Variants in CASP5 observed in about 807,000 individuals in gnomAD.
The protein encoded by CASP5 is caspase 5, also known as caspase-5.
A neutral mutation model predicts 45.2 loss-of-function variants in CASP5; 42 were observed. That is an observed-to-expected ratio of 0.93 (90% CI 0.73 to 1.20). The LOEUF (loss-of-function observed/expected upper bound fraction) is 1.20. CASP5 is among the 50% of genes most tolerant of loss of function. The pLI is 0.00. For missense variants in CASP5, 512 were observed against 532.2 expected (o/e 0.96, Z 0.37); for synonymous variants, 209 against 186.2 (o/e 1.12, Z -1.00).
rs66897384 is a variant in CASP5 at position 105,003,040 on chromosome 11, T to TAA, written c.543+232_543+233dup. Among the ~76,000 whole-genome samples, 758 of 149,878 alleles carry TAA rather than the reference T, an allele frequency of 5.1e-3. 3 individuals carry two copies. The highest frequency in any genetic ancestry group is 0.012 in the African/African-American group (482 of 40,916). On this transcript the variant is annotated intron_variant, in intron 4 of 9. Transcript: ENST00000260315. The stretch of plus-strand genomic sequence containing the variant: ...AGGGAGACTATATCTCTACAAAAAT[T>TAA]AAAAAAAAAATCAGCCTGGCAAGGT...
intron 6 of CASP5, 65 bp from the exon 7 acceptor site, chr11:104,999,093 C>A (rs1277253803): frequency 7.0e-7 from 1 of 1,428,870 alleles, no homozygotes. Context: ...AAATGCAGAA[C>A]GTGTAGGTTT....
At chr11:105,021,154 T>G (rs10895758) in intron 1 of CASP5, among the ~76,000 whole-genome samples, 30 of 151,030 alleles carry the variant, frequency 2.0e-4, no homozygotes. Context: ...ATACAAAAAT[T>G]AATTCAAGAT....
chr11:105,009,832 T>C (rs1239672036), intron 1 of CASP5, among the ~76,000 whole-genome samples: 1 of 139,330 alleles, frequency 7.2e-6, no homozygotes, highest in Non-Finnish European at 1.5e-5. Context: ...TATACACATA[T>C]ATATATACAC....
chr11:105,000,887 G>A (rs985430349), intron 5 of CASP5, among the ~76,000 whole-genome samples: 1 of 151,998 alleles, frequency 6.6e-6, no homozygotes, highest in Non-Finnish European at 1.5e-5. Context: ...TCAATCTTCT[G>A]GCCTGACCAT....
chr11:105,009,872 TAC>T (rs1421575127), intron 1 of CASP5, among the ~76,000 whole-genome samples: 11 of 140,268 alleles, frequency 7.8e-5, no homozygotes, highest in Non-Finnish European at 1.2e-4. Context: ...TACATATATA[TAC>T]ACACATATAT....
At chr11:105,011,827 A>G (rs934760055) in intron 1 of CASP5, among the ~76,000 whole-genome samples, 1 of 151,786 alleles carries the variant, frequency 6.6e-6, no homozygotes, top group Admixed American at 6.6e-5. Context: ...TCCCGTGTTC[A>G]TGAATTGGAA....
At chr11:105,004,759 G>A (rs1177109540) in intron 3 of CASP5, among the ~76,000 whole-genome samples, 1 of 152,106 alleles carries the variant, frequency 6.6e-6, no homozygotes, top group Non-Finnish European at 1.5e-5. Flanking sequence ...AGTGTGTAAG[G>A]AAACCATACC....
intron 1 of CASP5, among the ~76,000 whole-genome samples, chr11:105,019,836 G>A (rs866778535): frequency 0.026 from 3,739 of 144,216 alleles, 175 homozygotes; most frequent in African/African-American, 0.089. Context: ...TACCAAAGCC[G>A]GGCAGAGACA....
intron 1 of CASP5, among the ~76,000 whole-genome samples, chr11:105,009,768 C>G (rs1266704184): frequency 2.7e-5 from 2 of 73,294 alleles, no homozygotes; most frequent in Non-Finnish European, 5.7e-5. Flanking sequence ...TACACACACA[C>G]ACGTATATAT....
At chr11:104,999,408 A>G (rs1861619195) in intron 6 of CASP5, among the ~76,000 whole-genome samples, 1 of 152,210 alleles carries the variant, frequency 6.6e-6, no homozygotes, top group Non-Finnish European at 1.5e-5. Context: ...GCTACACAGT[A>G]TTCCATGGGA....
chr11:105,000,208 C>G (rs1861654502), intron 6 of CASP5, 53 bp downstream of exon 6: 1 of 1,578,392 alleles, frequency 6.3e-7, no homozygotes, highest in African/African-American at 1.3e-5. Context: ...CCAAACATCA[C>G]AATCCTCTGC....
intron 6 of CASP5, 137 bp from the exon 7 acceptor site, chr11:104,999,165 A>G: frequency 1.5e-6 from 1 of 681,232 alleles, no homozygotes. Context: ...TTTTAAGCCC[A>G]CATGCATTAA....
intron 7 of CASP5, 105 bp downstream of exon 7, chr11:104,998,780 A>G: frequency 9.1e-7 from 1 of 1,100,600 alleles, no homozygotes; most frequent in Non-Finnish European, 1.3e-6. Flanking sequence ...AGCACACACC[A>G]TTCTCTCAGC....
At chr11:105,000,557 A>T in intron 5 of CASP5, 62 bp from the exon 6 acceptor site, 2 of 1,455,988 alleles carry the variant, frequency 1.4e-6, no homozygotes, top group East Asian at 2.3e-5. Flanking sequence ...GACCTCCTAG[A>T]TTTACCATGA....
intron 1 of CASP5, among the ~76,000 whole-genome samples, chr11:105,014,933 A>C (rs1177539506): frequency 6.6e-6 from 1 of 152,242 alleles, no homozygotes; most frequent in Non-Finnish European, 1.5e-5. Flanking sequence ...GAGACCTGAA[A>C]GACTAGGAGG....
rs750294758 is a variant in CASP5 at position 105,008,953 on chromosome 11, T to A, written c.35A>T (p.Lys12Met). 1.2e-6 allele frequency: 2 copies of A among 1,611,722 alleles called. No individual in the cohort carries two copies. The highest frequency in any genetic ancestry group is 1.7e-6 in the Non-Finnish European group (2 of 1,179,060). The change falls in exon 2 of 10, where the codon AAG becomes ATG. Residue 12 changes from lysine to methionine, a missense_variant. By Grantham distance (95) the Lys-to-Met change is moderately conservative. Transcript: ENST00000260315. ...ACCTTTGAACATAGCTTCAAAATTCTTACGCCTTTTTTTTTTGCCACTGTC... is the reference window on the plus strand; with the variant it reads ...ACCTTTGAACATAGCTTCAAAATTCATACGCCTTTTTTTTTTGCCACTGTC... ...AEDSGKKKRR[K>M]NFEAMFKGIL...
At chr11:105,017,254 C>T (rs1233771722) in intron 1 of CASP5, among the ~76,000 whole-genome samples, 1 of 152,216 alleles carries the variant, frequency 6.6e-6, no homozygotes, top group Non-Finnish European at 1.5e-5. Flanking sequence ...GAGCGACTCT[C>T]CTCCTCCAAA....
intron 7 of CASP5, among the ~76,000 whole-genome samples, chr11:104,997,755 T>A (rs1426155959): frequency 6.6e-6 from 1 of 152,212 alleles, no homozygotes; most frequent in Non-Finnish European, 1.5e-5. Context: ...GACCTCATGT[T>A]CATTCACTTT....
intron 8 of CASP5, among the ~76,000 whole-genome samples, chr11:104,997,082 T>A (rs1861500435): frequency 6.6e-6 from 1 of 152,208 alleles, no homozygotes; most frequent in Non-Finnish European, 1.5e-5. Flanking sequence ...CAGTTTTTAT[T>A]CATTTAGTAA....
Sources: gnomAD v4.1 joint callset for allele counts (sites outside exome capture counted in the v4.1 genomes callset) on GRCh38, gnomAD v4.1.1 for gene constraint, MANE v1.5 for transcripts, NCBI Gene and HGNC (gene_info 2026-07-23, HGNC 2026-07-21) for gene names.